The following ARHGAP11B variants were observed in gnomAD, a reference collection of about 807,000 sequenced individuals.
ARHGAP11B encodes the protein Rho GTPase activating protein 11B, also known as inactive Rho GTPase-activating protein 11B.
Under a neutral mutation model 27.6 loss-of-function variants are expected in ARHGAP11B, and 14 were observed. That is an observed-to-expected ratio of 0.51 (90% CI 0.34 to 0.79). The LOEUF is 0.79. Among genes scored for constraint, ARHGAP11B ranks in the 30% least tolerant of loss-of-function variants. The pLI, the probability that ARHGAP11B is intolerant of heterozygous loss-of-function variation, is 0.02. For synonymous variants in ARHGAP11B, 82 were observed against 114.1 expected (o/e 0.72, Z 1.80); for missense variants, 245 against 320.1 (o/e 0.77, Z 1.79).
exon 6 of ARHGAP11B, chr15:30,635,581 T>A (rs1349363874): frequency 2.5e-6 from 4 of 1,613,328 alleles, no homozygotes; most frequent in East Asian, 4.5e-5. Context: ...TTGAAGAAGG[T>A]GAATATGAAA....
In ARHGAP11B at chr15:30,633,362, A is replaced by G. The variant is rs1314314703; in HGVS notation, c.201-128A>G. On this transcript the variant is annotated intron_variant, in intron 2 of 10. Coordinates refer to ENST00000428041, the Ensembl canonical transcript of ARHGAP11B. ...ACAACTAAAAGTAACATTTCATCTCAAAGACTACAGAGATTTGTGGCTTTA... is the reference window on the plus strand; with the variant it reads ...ACAACTAAAAGTAACATTTCATCTCGAAGACTACAGAGATTTGTGGCTTTA... The G allele has an allele frequency of 1.7e-5, 12 of 700,968 alleles. No homozygotes were observed. The East Asian group carries it at 3.8e-4, about 22-fold the overall frequency. The allele number at this position is 700,968 out of a possible 1,614,324, so 43.4% of individuals were successfully genotyped here.
chr15:30,634,003 T>C (rs533971298), intron 3 of ARHGAP11B, among the ~76,000 whole-genome samples, 167 bp from the exon 4 acceptor site: 57 of 151,378 alleles, frequency 3.8e-4, no homozygotes, highest in African/African-American at 1.4e-3. Context: ...TCTATAAAAA[T>C]AAAAATAAAT....
At chr15:30,635,531 G>T in exon 6 of ARHGAP11B, 1 of 1,613,388 alleles carries the variant, frequency 6.2e-7, no homozygotes, top group Non-Finnish European at 8.5e-7. Context: ...AGCCATGTTG[G>T]GTATTGATGG....
At chr15:30,640,462 T>C (rs1156465882) in intron 7 of ARHGAP11B, among the ~76,000 whole-genome samples, 24 of 128,574 alleles carry the variant, frequency 1.9e-4, no homozygotes, top group African/African-American at 7.0e-4. Context: ...TTAGATTCAA[T>C]TGGCTCTTTT....
At chr15:30,635,456 A>T in intron 5 of ARHGAP11B, 31 bp from the exon 6 acceptor site, 1 of 1,604,648 alleles carries the variant, frequency 6.2e-7, no homozygotes. Flanking sequence ...GAAGGATAAT[A>T]ATTGTCTTAC....
At chr15:30,627,464 A>G (rs1457917079) in intron 1 of ARHGAP11B, among the ~76,000 whole-genome samples, 1 of 152,098 alleles carries the variant, frequency 6.6e-6, no homozygotes, top group Non-Finnish European at 1.5e-5. Context: ...CTGTAGATGA[A>G]GTATGACAGA....
intron 7 of ARHGAP11B, among the ~76,000 whole-genome samples, chr15:30,642,561 A>AT (rs1173078422): frequency 6.6e-6 from 1 of 151,960 alleles, no homozygotes; most frequent in African/African-American, 2.4e-5. Flanking sequence ...CCAATAGCTT[A>AT]TTTTTTATAA....
rs970627550 is a variant in ARHGAP11B at position 30,626,781 on chromosome 15, A to G, written c.-40A>G. ...GAAGACTTGGTGGCGAACGAGGGTCAGGACCTGCATCCTGCCTCAGAGTTA... is the reference window on the plus strand; with the variant it reads ...GAAGACTTGGTGGCGAACGAGGGTCGGGACCTGCATCCTGCCTCAGAGTTA... On this transcript the variant is annotated 5_prime_UTR_variant, in exon 1 of 11. Transcript: ENST00000428041. 9.4e-6 allele frequency: 15 copies of G among 1,600,498 alleles called. No individual in the cohort carries two copies. In the Admixed American group the frequency reaches 2.3e-4, roughly 24 times the overall value.
chr15:30,644,824 G>A (rs2060337005), intron 8 of ARHGAP11B: 1 of 921,476 alleles, frequency 1.1e-6, no homozygotes. Context: ...TTGACAATTG[G>A]TTATATTCTT....
intron 8 of ARHGAP11B, among the ~76,000 whole-genome samples, chr15:30,645,813 G>A (rs1321973491): frequency 6.6e-6 from 1 of 151,924 alleles, no homozygotes; most frequent in Admixed American, 6.6e-5. Flanking sequence ...TACTTCAGTC[G>A]TATTCAACTT....
intron 7 of ARHGAP11B, among the ~76,000 whole-genome samples, chr15:30,639,968 T>G (rs73377212): frequency 0.024 from 2,963 of 125,394 alleles, 54 homozygotes; most frequent in African/African-American, 0.083. Context: ...TGTTTCAATA[T>G]AGAGTGTGTG....
rs768145878 is a variant in ARHGAP11B, at chr15:30,626,858, A to G, written c.38A>G (p.Gln13Arg). The G allele has an allele frequency of 3.8e-5, 61 of 1,613,602 alleles. 1 individual carries two copies. The Admixed American group carries it at 3.8e-4, about 10-fold the overall frequency. The change falls in exon 1 of 11, where the codon CAG becomes CGG. Residue 13 changes from glutamine to arginine, a missense_variant. By Grantham distance (43) the Gln-to-Arg change is conservative. This residue lies in a region of ARHGAP11B where 107 missense variants were observed against 121.9 expected (regional missense o/e 0.88). Transcript: ENST00000428041. The stretch of plus-strand genomic sequence containing the variant: ...AGGCTGGTGAAGTTGGCCCTGTTGC[A>G]GCATCTGCGGGCCTTCTATGGTATT...
intron 7 of ARHGAP11B, among the ~76,000 whole-genome samples, chr15:30,641,338 C>CTT (rs561343093): frequency 0.018 from 2,614 of 142,678 alleles, 80 homozygotes; most frequent in African/African-American, 0.059. Flanking sequence ...ATAATTGTCT[C>CTT]TTTTTTTTTT....
intron 9 of ARHGAP11B, chr15:30,647,582 G>A (rs1419184697): frequency 6.0e-6 from 1 of 167,454 alleles, no homozygotes; most frequent in African/African-American, 2.4e-5. Context: ...AAAGATCTGA[G>A]TTTTTAACTT....
At chr15:30,646,581 A>T (rs1186544639) in intron 9 of ARHGAP11B, among the ~76,000 whole-genome samples, 2 of 151,832 alleles carry the variant, frequency 1.3e-5, no homozygotes, top group African/African-American at 4.8e-5. Flanking sequence ...AAATGGCGTG[A>T]ACCCCAGGGG....
intron 7 of ARHGAP11B, among the ~76,000 whole-genome samples, chr15:30,639,652 A>G (rs887900456): frequency 2.0e-5 from 3 of 152,006 alleles, no homozygotes; most frequent in African/African-American, 7.2e-5. Context: ...TTCTTACACC[A>G]AATGCTAAGT....
rs1268208972 is a variant in ARHGAP11B, at chr15:30,639,933, A to C, written c.*78+1113A>C. Among the ~76,000 whole-genome samples, 7 of 150,360 alleles carry C rather than the reference A, an allele frequency of 4.7e-5. 1 individual carries two copies. The highest frequency in any genetic ancestry group is 7.4e-5 in the Non-Finnish European group (5 of 67,620). On this transcript the variant is annotated intron_variant, in intron 7 of 10. Coordinates refer to ENST00000428041, the Ensembl canonical transcript of ARHGAP11B. ...TATCCAACCTATGAATTTTTATAAA[A>C]CCCCCTGCCTTTTAAAATAGACAGT...
intron 7 of ARHGAP11B, among the ~76,000 whole-genome samples, chr15:30,642,077 A>T (rs974352287): frequency 6.6e-6 from 1 of 152,004 alleles, no homozygotes; most frequent in Non-Finnish European, 1.5e-5. Flanking sequence ...GACACTTTAG[A>T]TGTATAATAT....
chr15:30,639,213 A>C (rs541911730), intron 7 of ARHGAP11B, among the ~76,000 whole-genome samples: 1 of 152,258 alleles, frequency 6.6e-6, no homozygotes, highest in East Asian at 1.9e-4. Context: ...AGTAAGAGTC[A>C]ACATGATCTT....
Sources: allele counts gnomAD v4.1 joint callset (sites outside exome capture counted in the v4.1 genomes callset), GRCh38; gene constraint gnomAD v4.1.1; regional missense constraint gnomAD v4.1.1; transcripts MANE v1.5; gene names NCBI Gene and HGNC (gene_info 2026-07-23, HGNC 2026-07-21).